CCDC137: variants seen among roughly 807,000 people sequenced by gnomAD.
The protein encoded by CCDC137 is coiled-coil domain-containing protein 137.
Under a neutral mutation model 30.4 loss-of-function variants are expected in CCDC137, and 24 were observed. The ratio of observed to expected loss-of-function variants is 0.79; its 90% CI spans 0.57 to 1.11. CCDC137 has a LOEUF of 1.11. Ranked by LOEUF, CCDC137 falls within the 50% of genes least tolerant of loss-of-function variation. The pLI is 0.00. For synonymous variants in CCDC137, 182 were observed against 155.7 expected (o/e 1.17, Z -1.26); for missense variants, 417 against 380.4 (o/e 1.10, Z -0.80).
At chr17:81,671,400 GTC>G (rs1245698143) in intron 3 of CCDC137, among the ~76,000 whole-genome samples, 6 of 152,214 alleles carry the variant, frequency 3.9e-5, no homozygotes, top group African/African-American at 1.4e-4. Context: ...GGCTGGATGA[GTC>G]TCTGTTGGGT....
intron 2 of CCDC137, 79 bp downstream of exon 2, chr17:81,667,941 T>C (rs2036666014): frequency 5.3e-6 from 8 of 1,511,588 alleles, no homozygotes; most frequent in Non-Finnish European, 7.1e-6. Flanking sequence ...CTTCAGAACG[T>C]TTCAGGCAGA....
rs1371014643 is a variant in CCDC137 at position 81,666,805 on chromosome 17, G to A, written c.39G>A (p.Val13=). 1 of 1,434,890 alleles carries A rather than the reference G, an allele frequency of 7.0e-7. No individual in the cohort carries two copies. The highest frequency in any genetic ancestry group is 1.5e-5 in the South Asian group (1 of 67,292). 88.9% of individuals were successfully genotyped at this position (1,434,890 alleles called of 1,614,324 possible). Residue 13 remains valine, a synonymous_variant, in exon 1 of 6, where the codon GTG becomes GTA. Transcript: ENST00000329214. ...GTCGCGGAGCAGCGGTGTCCAGGGTGCAGGCGGGTCCTGGGAGTCCCCGGC... is the reference window on the plus strand; with the variant it reads ...GTCGCGGAGCAGCGGTGTCCAGGGTACAGGCGGGTCCTGGGAGTCCCCGGC... The part of the protein sequence containing the change: ...GAGRGAAVSR[V]QAGPGSPRRA...
rs34153944 is a variant in CCDC137, at chr17:81,672,844, G to C, written c.*140G>C. Reference sequence around the variant, plus strand: ...CTTGTTCACACGTTGGGCACTAGTGGGTCCACATCTTGCAGGGGGTGAGTG... The same window carrying C: ...CTTGTTCACACGTTGGGCACTAGTGCGTCCACATCTTGCAGGGGGTGAGTG... On this transcript the variant is annotated 3_prime_UTR_variant, in exon 6 of 6. Coordinates refer to ENST00000329214, the MANE Select transcript of CCDC137 (RefSeq NM_199287.3). 52,033 of 789,192 alleles carry C rather than the reference G, an allele frequency of 0.066. 2,925 individuals are homozygous for C. Among genetic ancestry groups the C allele is most frequent in the East Asian group, 0.26 (9,525 of 36,958 alleles). 48.9% of individuals were successfully genotyped at this position (789,192 alleles called of 1,614,324 possible). A position where few individuals can be genotyped will look rare whatever the true frequency, so the allele number is the denominator to read the frequency against.
chr17:81,672,111 C>G lies in CCDC137; in HGVS notation c.616C>G (p.Pro206Ala). ...VKFGEVVLQP[P>A]ELTARPQRSV... ...GTTTGGTGAGGTTGTCCTGCAGCCC[C>G]CAGAGCTGACTGCCAGGCCCCAGAG... is the stretch of plus-strand genomic sequence containing the variant. The change falls in exon 5 of 6, where the codon CCA becomes GCA. Residue 206 changes from proline (P) to alanine (A), a missense_variant. Coordinates refer to ENST00000329214, the MANE Select transcript of CCDC137 (RefSeq NM_199287.3). The G allele has an allele frequency of 6.2e-7, 1 of 1,614,080 alleles. No individual in the cohort carries two copies.
At chr17:81,666,939 G>A (rs2036639814) in intron 1 of CCDC137, 39 bp downstream of exon 1, 1 of 1,246,414 alleles carries the variant, frequency 8.0e-7, no homozygotes, top group African/African-American at 1.5e-5. Flanking sequence ...CACTTCCCCA[G>A]AGAAGGGGAC....
chr17:81,669,189 CTT>C (rs981089647), intron 2 of CCDC137, among the ~76,000 whole-genome samples: 3 of 130,916 alleles, frequency 2.3e-5, no homozygotes, highest in Admixed American at 7.8e-5. Flanking sequence ...TGTGCCTGGC[CTT>C]TTTTTTTTTG....
chr17:81,673,056 C>T lies in CCDC137; in HGVS notation c.*352C>T, dbSNP rs910763962. On this transcript the variant is annotated 3_prime_UTR_variant, in exon 6 of 6. Coordinates refer to ENST00000329214, the MANE Select transcript of CCDC137 (RefSeq NM_199287.3). ...CTGATGAGGCTGGCTCAGTGTGTGA[C>T]GGAGGCCCCCGGGAGTCAGCAGAGC... 7 of 329,358 alleles carry T rather than the reference C, an allele frequency of 2.1e-5. No individual in the cohort carries two copies. The highest frequency in any genetic ancestry group is 2.0e-4 in the East Asian group (3 of 14,876). 20.4% of individuals were successfully genotyped at this position (329,358 alleles called of 1,614,324 possible). A position where few individuals can be genotyped will look rare whatever the true frequency, so the allele number is the denominator to read the frequency against.
At chr17:81,669,922 T>A in intron 2 of CCDC137, 1 of 360,030 alleles carries the variant, frequency 2.8e-6, no homozygotes, top group Admixed American at 4.4e-5. Flanking sequence ...TGCAATGGAG[T>A]CTGTGGGTGA....
Position 81,667,801 on chromosome 17 carries a change from GATT to G in CCDC137, c.210_212del (p.Ile70del), listed in dbSNP as rs1175363794. Reference sequence around the variant, plus strand: ...AGGAGATTCCTTTCCGGCTCCGGGAGATTATGAGGAGCCGCCAAGAGATGAAAA... The same window carrying G: ...AGGAGATTCCTTTCCGGCTCCGGGAGATGAGGAGCCGCCAAGAGATGAAAA... On this transcript the variant is annotated inframe_deletion, in exon 2 of 6. Coordinates refer to ENST00000329214, the MANE Select transcript of CCDC137 (RefSeq NM_199287.3). The G allele has an allele frequency of 6.2e-7, 1 of 1,612,922 alleles. No individual in the cohort carries two copies. The highest frequency in any genetic ancestry group is 8.5e-7 in the Non-Finnish European group (1 of 1,179,988).
At chr17:81,670,953 C>G (rs1343437715) in intron 3 of CCDC137, among the ~76,000 whole-genome samples, 1 of 151,854 alleles carries the variant, frequency 6.6e-6, no homozygotes, top group Admixed American at 6.6e-5. Flanking sequence ...ACGGTGAAAC[C>G]TTGTCTCTAA....
At position 81,666,777 on chromosome 17, in the gene CCDC137, CT is replaced by C; in HGVS notation, c.12del (p.Gly5ValfsTer47). Reference protein sequence around the residue: MAGAGRGAAVSRVQ... With the variant: MAGXGRGAAVSRVQ... Reference sequence around the variant, plus strand: ...CCTCCCGGCGTGGAGATGGCGGGAGCTGGTCGCGGAGCAGCGGTGTCCAGGG... The same window carrying C: ...CCTCCCGGCGTGGAGATGGCGGGAGCGGTCGCGGAGCAGCGGTGTCCAGGG... On this transcript the variant is annotated frameshift_variant, in exon 1 of 6. Coordinates refer to ENST00000329214, the MANE Select transcript of CCDC137 (RefSeq NM_199287.3). LOFTEE classifies it high-confidence loss of function. The C allele has an allele frequency of 1.4e-6, 2 of 1,467,680 alleles. No homozygotes were observed. Among genetic ancestry groups the C allele is most frequent in the Non-Finnish European group, 1.8e-6 (2 of 1,114,482 alleles). The allele number at this position is 1,467,680 out of a possible 1,614,324, so 90.9% of individuals were successfully genotyped here. A position where few individuals can be genotyped will look rare whatever the true frequency, so the allele number is the denominator to read the frequency against.
At chr17:81,667,886 G>A (rs1168399500) in intron 2 of CCDC137, 24 bp downstream of exon 2, 4 of 1,606,466 alleles carry the variant, frequency 2.5e-6, no homozygotes, top group Non-Finnish European at 2.5e-6. Context: ...CATACTGGGC[G>A]GCAGTGAAGC....
In CCDC137 at chr17:81,672,600, G is replaced by A. The variant is rs1022695646; in HGVS notation, c.766G>A (p.Glu256Lys). The change falls in exon 6 of 6, where the codon GAG (glutamate) becomes AAG (lysine). Residue 256 changes from glutamate to lysine, a missense_variant. Coordinates refer to ENST00000329214, the MANE Select transcript of CCDC137 (RefSeq NM_199287.3). The stretch of plus-strand genomic sequence containing the variant: ...CCAGCGGATTGTGGAGGAGGAGAGA[G>A]AGCGGGCCGTGCAGGCCTACAGAGC... Reference protein sequence around the residue: ...ARQRIVEEERERAVQAYRALK... With the variant: ...ARQRIVEEERKRAVQAYRALK... The A allele has an allele frequency of 3.8e-6, 6 of 1,587,112 alleles. No individual in the cohort carries two copies. The highest frequency in any genetic ancestry group is 5.1e-6 in the Non-Finnish European group (6 of 1,167,634).
At position 81,666,868 on chromosome 17, in the gene CCDC137, G is replaced by A. The variant is rs186574945; in HGVS notation, c.102G>A (p.Lys34=). 3,772 of 1,306,690 alleles carry A rather than the reference G, an allele frequency of 2.9e-3. 96 individuals are homozygous for A. In the African/African-American group the frequency reaches 0.053, roughly 18 times the overall value. The allele number at this position is 1,306,690 out of a possible 1,614,324, so 80.9% of individuals were successfully genotyped here. A position where few individuals can be genotyped will look rare whatever the true frequency, so the allele number is the denominator to read the frequency against. ...RGRQQVQPLG[K]QRPAPWPGLR... is the part of the protein sequence containing the mutation. ...GGCAGCAAGTGCAGCCGCTGGGGAAGCAGCGCCCAGCCCCGTGGCCCGGGC... is the reference window on the plus strand; with the variant it reads ...GGCAGCAAGTGCAGCCGCTGGGGAAACAGCGCCCAGCCCCGTGGCCCGGGC... The change falls in exon 1 of 6, where the codon AAG becomes AAA. Residue 34 remains lysine, a synonymous_variant. Transcript: ENST00000329214.
intron 2 of CCDC137, among the ~76,000 whole-genome samples, chr17:81,668,416 C>T (rs1028779175): frequency 8.5e-5 from 13 of 152,110 alleles, no homozygotes; most frequent in East Asian, 1.9e-4. Context: ...ACATGTCCAC[C>T]GCTGCAACCC....
In CCDC137 at chr17:81,670,454, G is replaced by C. The variant is rs201831605; in HGVS notation, c.497+1G>C. 12 of 1,611,422 alleles carry C rather than the reference G, an allele frequency of 7.4e-6. No individual in the cohort carries two copies. The highest frequency in any genetic ancestry group is 1.7e-5 in the Admixed American group (1 of 59,876). On this transcript the variant is annotated splice_donor_variant, in intron 3 of 5. Coordinates refer to ENST00000329214, the MANE Select transcript of CCDC137 (RefSeq NM_199287.3). LOFTEE classifies it high-confidence loss of function. ...CTGAGCAGAAAAAAGCAAAAAAAGC[G>C]TGAGTGGAGGCGGGAGGGGGAGGGG... is the stretch of plus-strand genomic sequence containing the variant.
At chr17:81,669,704 C>A (rs989486369) in intron 2 of CCDC137, among the ~76,000 whole-genome samples, 1 of 152,174 alleles carries the variant, frequency 6.6e-6, no homozygotes, top group Non-Finnish European at 1.5e-5. Context: ...GGACTACAGG[C>A]GCCCACCACC....
At chr17:81,672,392 A>T in intron 5 of CCDC137, 103 bp from the exon 6 acceptor site, 2 of 1,135,962 alleles carry the variant, frequency 1.8e-6, no homozygotes, top group Non-Finnish European at 2.5e-6. Context: ...GTGGCCTGAG[A>T]GTGCAGTGTT....
At chr17:81,667,643 A>G (rs978965415) in intron 1 of CCDC137, 86 bp from the exon 2 acceptor site, 15 of 1,528,648 alleles carry the variant, frequency 9.8e-6, no homozygotes, top group African/African-American at 1.4e-5. Context: ...TGTAGATTCT[A>G]TTGCCAGACC....
Sources: allele counts gnomAD v4.1 joint callset (sites outside exome capture counted in the v4.1 genomes callset), GRCh38; gene constraint gnomAD v4.1.1; transcripts MANE v1.5; gene names NCBI Gene and HGNC (gene_info 2026-07-23, HGNC 2026-07-21).